The following DPYD variants were observed in gnomAD, a reference collection of about 807,000 sequenced individuals.
The protein encoded by DPYD is dihydropyrimidine dehydrogenase [NADP(+)].
DPYD carries 109 observed loss-of-function variants against 116.2 expected under a neutral mutation model. The ratio of observed to expected loss-of-function variants is 0.94; its 90% CI spans 0.80 to 1.10. The LOEUF is 1.10. Among genes scored for constraint, DPYD ranks in the 50% least tolerant of loss-of-function variants. The probability of loss-of-function intolerance (pLI) is 0.00; values close to 1 mark genes in which losing one functional copy is unlikely to be tolerated. For missense variants in DPYD, 1,302 were observed against 1,254.5 expected (o/e 1.04, Z -0.57); for synonymous variants, 440 against 432.0 (o/e 1.02, Z -0.23).
intron 3 of DPYD, among the ~76,000 whole-genome samples, chr1:97,763,329 A>G (rs1571318451): frequency 6.6e-6 from 1 of 152,020 alleles, no homozygotes; most frequent in Non-Finnish European, 1.5e-5. Context: ...ATAAAGTCTA[A>G]TTTATCTTCC....
At chr1:97,415,243 C>T (rs768171424) in intron 14 of DPYD, among the ~76,000 whole-genome samples, 12 of 152,290 alleles carry the variant, frequency 7.9e-5, no homozygotes, top group Middle Eastern at 6.8e-3. Flanking sequence ...TTAATTTAAG[C>T]AACTGTTGTA....
chr1:97,905,493 C>T (rs978758835), intron 1 of DPYD, among the ~76,000 whole-genome samples: 5 of 152,014 alleles, frequency 3.3e-5, no homozygotes, highest in African/African-American at 9.7e-5. Flanking sequence ...AAAACCAATT[C>T]CAGTCCGGTA....
chr1:97,750,029 A>G (rs1305250000), intron 3 of DPYD, among the ~76,000 whole-genome samples: 1 of 152,126 alleles, frequency 6.6e-6, no homozygotes, highest in Admixed American at 6.5e-5. Context: ...TGCTATGCAA[A>G]TTATCTTCTT....
At chr1:97,257,452 T>TATATATATATATATATATAGAGAGAG (rs375490078) in intron 18 of DPYD, among the ~76,000 whole-genome samples, 12 of 126,468 alleles carry the variant, frequency 9.5e-5, no homozygotes, top group African/African-American at 3.8e-4. Flanking sequence ...TATATATATA[T>TATATATATATATATATATAGAGAGAG]AGAGAGAGAG....
chr1:97,402,930 T>C (rs1673450733), intron 14 of DPYD, among the ~76,000 whole-genome samples: 1 of 152,080 alleles, frequency 6.6e-6, no homozygotes, highest in African/African-American at 2.4e-5. Context: ...TTTTTGAATG[T>C]TGAACCAGCC....
chr1:97,545,026 T>A (rs1341981035), intron 12 of DPYD, among the ~76,000 whole-genome samples: 2 of 152,090 alleles, frequency 1.3e-5, no homozygotes, highest in Non-Finnish European at 2.9e-5. Context: ...ATCAAAATTA[T>A]AACTCCACAC....
chr1:97,382,500 T>G (rs955769105), intron 14 of DPYD, 39 bp from the exon 15 acceptor site: 1 of 1,291,660 alleles, frequency 7.7e-7, no homozygotes, highest in African/African-American at 1.5e-5. Context: ...GTTCAAGTAG[T>G]TATCCAGTTG....
chr1:97,218,923 G>A (rs547336665), intron 19 of DPYD, among the ~76,000 whole-genome samples: 10 of 152,182 alleles, frequency 6.6e-5, no homozygotes, highest in African/African-American at 2.4e-4. Flanking sequence ...TGTTAGTACT[G>A]CAAAGAGAAA....
intron 4 of DPYD, among the ~76,000 whole-genome samples, chr1:97,735,404 C>T (rs1222873419): frequency 1.4e-4 from 21 of 151,426 alleles, no homozygotes; most frequent in South Asian, 1.2e-3. Context: ...CGGCCAGGTG[C>T]GGTGGCTCAC....
intron 20 of DPYD, among the ~76,000 whole-genome samples, chr1:97,166,794 T>C (rs1414893527): frequency 1.3e-5 from 2 of 152,178 alleles, no homozygotes; most frequent in East Asian, 1.9e-4. Context: ...TTATATTTTA[T>C]GTTATGAGTT....
chr1:97,413,010 T>C (rs1674095769), intron 14 of DPYD, among the ~76,000 whole-genome samples: 1 of 152,182 alleles, frequency 6.6e-6, no homozygotes, highest in Non-Finnish European at 1.5e-5. Flanking sequence ...CATTTTCACA[T>C]CCATGATCAT....
chr1:97,431,033 G>A (rs1015778959), intron 14 of DPYD, among the ~76,000 whole-genome samples: 15 of 151,926 alleles, frequency 9.9e-5, no homozygotes, highest in African/African-American at 3.6e-4. Flanking sequence ...TTGACCTGCA[G>A]GACAATTAAT....
intron 14 of DPYD, among the ~76,000 whole-genome samples, chr1:97,445,418 T>A (rs991639189): frequency 1.3e-5 from 2 of 152,202 alleles, no homozygotes; most frequent in Non-Finnish European, 2.9e-5. Context: ...TTAAGACCCC[T>A]TCATGCATAT....
At chr1:97,406,633 C>T (rs983058129) in intron 14 of DPYD, among the ~76,000 whole-genome samples, 7 of 148,594 alleles carry the variant, frequency 4.7e-5, no homozygotes, top group African/African-American at 1.5e-4. Flanking sequence ...CGCTTTTACA[C>T]TGTTGGTGGG....
At chr1:97,652,944 C>T (rs1008991426) in intron 8 of DPYD, among the ~76,000 whole-genome samples, 3 of 152,056 alleles carry the variant, frequency 2.0e-5, no homozygotes, top group African/African-American at 4.8e-5. Context: ...TTTTCCAAAT[C>T]GCCCTCTTCT....
intron 19 of DPYD, among the ~76,000 whole-genome samples, chr1:97,198,675 CT>C (rs1658987971): frequency 6.6e-6 from 1 of 152,142 alleles, no homozygotes; most frequent in Non-Finnish European, 1.5e-5. Context: ...TTTAACAGCT[CT>C]GATTAGGACT....
rs561883903 is a variant in DPYD at position 97,293,872 on chromosome 1, C to T, written c.2299+11387G>A. On this transcript the variant is annotated intron_variant, in intron 18 of 22. Transcript: ENST00000370192. Reference sequence around the variant, plus strand: ...CTGAGGCATGAGAATCGCTCGAACCCGGGAGGTGGAGGTTGCAGTGAGCAG... The same window carrying T: ...CTGAGGCATGAGAATCGCTCGAACCTGGGAGGTGGAGGTTGCAGTGAGCAG... 1.4e-3 allele frequency among the ~76,000 whole-genome samples: 204 copies of T among 142,160 alleles called. 1 individual carries two copies. The highest frequency in any genetic ancestry group is 5.0e-3 in the African/African-American group (198 of 39,808). 93.3% of individuals were successfully genotyped at this position (142,160 alleles called of 152,430 possible).
intron 20 of DPYD, among the ~76,000 whole-genome samples, chr1:97,156,333 T>C (rs1655454770): frequency 6.6e-6 from 1 of 151,946 alleles, no homozygotes; most frequent in African/African-American, 2.4e-5. Flanking sequence ...ACAGGCAACC[T>C]ACAAAATGGG....
chr1:97,824,053 AAATAACACGC>A (rs1669106894), intron 3 of DPYD, among the ~76,000 whole-genome samples: 1 of 152,114 alleles, frequency 6.6e-6, no homozygotes, highest in East Asian at 1.9e-4. Context: ...TATTTGTTTT[AAATAACACGC>A]AGAAGAACTT....
Sources: allele counts gnomAD v4.1 joint callset (sites outside exome capture counted in the v4.1 genomes callset), GRCh38; gene constraint gnomAD v4.1.1; transcripts MANE v1.5; gene names NCBI Gene and HGNC (gene_info 2026-07-23, HGNC 2026-07-21).